LRRFIP1: variants seen among roughly 807,000 people sequenced by gnomAD.
LRRFIP1 encodes the protein leucine-rich repeat flightless-interacting protein 1.
Under a neutral mutation model 104.4 loss-of-function variants are expected in LRRFIP1, and 62 were observed. The observed-to-expected ratio is 0.59, with a 90% CI of 0.48 to 0.73. LRRFIP1 has a LOEUF of 0.73. Among genes scored for constraint, LRRFIP1 ranks in the 30% least tolerant of loss-of-function variants. LRRFIP1 has a pLI of 0.00. For synonymous variants in LRRFIP1, 300 were observed against 299.0 expected, an observed-to-expected ratio of 1.00 and a Z score of -0.03; for missense variants, 796 against 824.5, an observed-to-expected ratio of 0.97 and a Z score of 0.42.
chr2:237,729,026 G>A lies in LRRFIP1; in HGVS notation c.444+1091G>A, dbSNP rs76577261. Among the ~76,000 whole-genome samples, 931 of 152,292 alleles carry A rather than the reference G, an allele frequency of 6.1e-3. 24 individuals carry two copies. In the East Asian group the frequency reaches 0.07, roughly 12 times the overall value. On this transcript the variant is annotated intron_variant, in intron 8 of 23. Transcript: ENST00000308482. ...CAACCTCTGCCTCCTGGGTTCGAGC[G>A]ATTCTCCTGCCTCAGCCTCCCAAGT...
chr2:237,714,439 G>C (rs1461396778), intron 3 of LRRFIP1, among the ~76,000 whole-genome samples, 163 bp downstream of exon 3: 1 of 152,180 alleles, frequency 6.6e-6, no homozygotes, highest in Non-Finnish European at 1.5e-5. Flanking sequence ...AGAATGCCTA[G>C]ATCCTCATCT....
chr2:237,635,086 T>G (rs1409987465), intron 1 of LRRFIP1, among the ~76,000 whole-genome samples: 1 of 152,222 alleles, frequency 6.6e-6, no homozygotes, highest in Non-Finnish European at 1.5e-5. Flanking sequence ...TTATCTGCCT[T>G]CTTGGATTGC....
At position 237,709,283 on chromosome 2, in the gene LRRFIP1, G is replaced by T. The variant is rs150827256; in HGVS notation, c.183+653G>T. 2.9e-3 allele frequency among the ~76,000 whole-genome samples: 437 copies of T among 152,296 alleles called. 3 individuals carry two copies. The highest frequency in any genetic ancestry group is 9.9e-3 in the African/African-American group (410 of 41,568). On this transcript the variant is annotated intron_variant, in intron 2 of 23. Coordinates refer to ENST00000308482, the MANE Select transcript of LRRFIP1 (RefSeq NM_001137550.2). ...GTTCTTTAACTCACAGTTATGGTGT[G>T]ACTTTTTCTGTGACCTCAGAGACAT... is the stretch of plus-strand genomic sequence containing the variant.
At chr2:237,707,533 G>A (rs1205935271) in intron 1 of LRRFIP1, among the ~76,000 whole-genome samples, 1 of 151,626 alleles carries the variant, frequency 6.6e-6, no homozygotes, top group Non-Finnish European at 1.5e-5. Context: ...TAGAACCATT[G>A]TTGGAAGGAT....
rs190339673 is a variant in LRRFIP1, at chr2:237,671,680, C to T, written c.97-36864C>T. Among the ~76,000 whole-genome samples the T allele has an allele frequency of 1.4e-4, 22 of 151,934 alleles. No individual in the cohort carries two copies. The East Asian group carries it at 3.9e-3, about 27-fold the overall frequency. On this transcript the variant is annotated intron_variant, in intron 1 of 23. Coordinates refer to ENST00000308482, the MANE Select transcript of LRRFIP1 (RefSeq NM_001137550.2). ...CACCCCTGCTCCCCGTGTCTGTGTCCCTTCAGGAGAAGCTGGCCAGGGACA... is the reference window on the plus strand; with the variant it reads ...CACCCCTGCTCCCCGTGTCTGTGTCTCTTCAGGAGAAGCTGGCCAGGGACA...
At chr2:237,758,676 CT>C (rs1470356520) in intron 17 of LRRFIP1, 52 bp from the exon 18 acceptor site, 2 of 1,280,774 alleles carry the variant, frequency 1.6e-6, no homozygotes, top group African/African-American at 3.0e-5. Flanking sequence ...TCTGAAGTAA[CT>C]TGCTCATCTG....
Position 237,756,019 on chromosome 2 carries a change from T to A in LRRFIP1, c.1039-76T>A, listed in dbSNP as rs1343806207. 3.4e-6 allele frequency: 3 copies of A among 884,312 alleles called. No homozygotes were observed. In the East Asian group the frequency reaches 7.7e-5, roughly 23 times the overall value. The allele number at this position is 884,312 out of a possible 1,614,324, so 54.8% of individuals were successfully genotyped here. A position where few individuals can be genotyped will look rare whatever the true frequency, so the allele number is the denominator to read the frequency against. ...CAGGTGATTTGTTCCACAGAAACTA[T>A]AAATCGTGAGAGCCTGAACTGGCAT... is the stretch of plus-strand genomic sequence containing the variant. On this transcript the variant is annotated intron_variant, in intron 15 of 23. Coordinates refer to ENST00000308482, the MANE Select transcript of LRRFIP1 (RefSeq NM_001137550.2).
chr2:237,684,106 G>A (rs544712143), intron 1 of LRRFIP1: 1 of 152,108 alleles, frequency 6.6e-6, no homozygotes, highest in South Asian at 2.1e-4. Flanking sequence ...GATTACTGAG[G>A]CAAAGCCACA....
At chr2:237,718,545 CGA>C (rs2094428007) in intron 4 of LRRFIP1, among the ~76,000 whole-genome samples, 1 of 152,120 alleles carries the variant, frequency 6.6e-6, no homozygotes, top group Admixed American at 6.5e-5. Context: ...CCACTGGTCC[CGA>C]GAGAGAGTGG....
At chr2:237,671,107 A>C (rs1409572102) in intron 1 of LRRFIP1, among the ~76,000 whole-genome samples, 1 of 152,194 alleles carries the variant, frequency 6.6e-6, no homozygotes, top group Admixed American at 6.5e-5. Flanking sequence ...GAGTCCAGAG[A>C]TTTTGAACAA....
Position 237,771,596 on chromosome 2 carries a change from T to G in LRRFIP1, c.1510-485T>G, listed in dbSNP as rs1009517381. On this transcript the variant is annotated intron_variant, in intron 20 of 23. Transcript: ENST00000308482. ...GATACCAAGGGACAACTGGACATGT[T>G]TCTGTCTTGCTTAGAGAGGGGAAAG... 2.5e-5 allele frequency among the ~76,000 whole-genome samples: 3 copies of G among 119,022 alleles called. No homozygotes were observed. In the East Asian group the frequency reaches 8.8e-4, roughly 35 times the overall value. 78.1% of individuals were successfully genotyped at this position (119,022 alleles called of 152,430 possible).
At position 237,691,509 on chromosome 2, in the gene LRRFIP1, C is replaced by T. The variant is rs1032471926; in HGVS notation, c.97-17035C>T. 6.6e-6 allele frequency among the ~76,000 whole-genome samples: 1 copy of T among 152,232 alleles called. No individual in the cohort carries two copies. The highest frequency in any genetic ancestry group is 1.5e-5 in the Non-Finnish European group (1 of 68,034). On this transcript the variant is annotated intron_variant, in intron 1 of 23. Transcript: ENST00000308482. This position sits in a 1 kb window ranked among gnomAD's most constrained non-coding sequence, Gnocchi z 5.4. Reference sequence around the variant, plus strand: ...ACCGGGCCAAGGGGGGCTGTGTGCACGCAGCTGCGTCGTCCTGGAAGTCGG... The same window carrying T: ...ACCGGGCCAAGGGGGGCTGTGTGCATGCAGCTGCGTCGTCCTGGAAGTCGG...
chr2:237,677,935 T>G (rs1377611380), intron 1 of LRRFIP1, among the ~76,000 whole-genome samples: 1 of 152,210 alleles, frequency 6.6e-6, no homozygotes, highest in Non-Finnish European at 1.5e-5. Flanking sequence ...GTGTTAGAGC[T>G]AAAAAGGTTT....
chr2:237,664,823 G>A (rs2088869941), intron 1 of LRRFIP1, among the ~76,000 whole-genome samples: 1 of 152,160 alleles, frequency 6.6e-6, no homozygotes, highest in Admixed American at 6.5e-5. Flanking sequence ...AAGGGAAATT[G>A]CTGGGTTCAA....
At chr2:237,651,767 T>G (rs752229954) in intron 1 of LRRFIP1, among the ~76,000 whole-genome samples, 54 of 152,260 alleles carry the variant, frequency 3.5e-4, no homozygotes, top group Non-Finnish European at 5.9e-4. Flanking sequence ...TTTAATAATA[T>G]ATTTTATGTA....
At chr2:237,673,551 T>C (rs1394161325) in intron 1 of LRRFIP1, among the ~76,000 whole-genome samples, 3 of 152,122 alleles carry the variant, frequency 2.0e-5, no homozygotes, top group Non-Finnish European at 4.4e-5. Context: ...GGGTGTGCGG[T>C]TGTCTGACAT....
At chr2:237,777,594 C>CT (rs1010781994) in intron 23 of LRRFIP1, among the ~76,000 whole-genome samples, 1 of 150,700 alleles carries the variant, frequency 6.6e-6, no homozygotes. Context: ...TTGTAGGGAC[C>CT]TTTTTTTTTC....
chr2:237,653,046 G>A (rs1445282737), intron 1 of LRRFIP1, among the ~76,000 whole-genome samples: 1 of 152,188 alleles, frequency 6.6e-6, no homozygotes, highest in Non-Finnish European at 1.5e-5. Flanking sequence ...CTGCCGCCAT[G>A]TGAAAGTGCT....
rs1254323508 is a variant in LRRFIP1 at position 237,703,013 on chromosome 2, C to A, written c.97-5531C>A. On this transcript the variant is annotated intron_variant, in intron 1 of 23. Transcript: ENST00000308482. The surrounding 1 kb of genome is among the most constrained non-coding windows in gnomAD (Gnocchi z 4.3). ...AGAAAGGAGGCTTCAGGGTGTAGGA[C>A]CCCAGGAGCAGGCAAGGGCTTGCTC... Among the ~76,000 whole-genome samples the A allele has an allele frequency of 1.3e-5, 2 of 152,170 alleles. No homozygotes were observed. Among genetic ancestry groups the A allele is most frequent in the Admixed American group, 6.5e-5 (1 of 15,276 alleles).
Sources: gnomAD v4.1 joint callset for allele counts (sites outside exome capture counted in the v4.1 genomes callset) on GRCh38, gnomAD v4.1.1 for gene constraint, Gnocchi (gnomAD v3.1) non-coding constraint, MANE v1.5 for transcripts, NCBI Gene and HGNC (gene_info 2026-07-23, HGNC 2026-07-21) for gene names.